Variants in RIC3 observed in about 807,000 individuals in gnomAD.
RIC3 encodes the protein RIC3 acetylcholine receptor chaperone.
Under a neutral mutation model 27.3 loss-of-function variants are expected in RIC3, and 28 were observed. The observed-to-expected ratio is 1.02, with a 90% CI of 0.76 to 1.41. The LOEUF (loss-of-function observed/expected upper bound fraction) is 1.41, where lower values mean the gene tolerates loss of function less well. RIC3 is among the 40% of genes most tolerant of loss of function. The pLI, the probability that RIC3 is intolerant of heterozygous loss-of-function variation, is 0.00. For missense variants in RIC3, 501 were observed against 444.7 expected (o/e 1.13, Z -1.14); for synonymous variants, 184 against 160.4 (o/e 1.15, Z -1.11).
intron 5 of RIC3, among the ~76,000 whole-genome samples, chr11:8,120,834 CAAATT>C (rs1564985514): frequency 6.6e-6 from 1 of 151,870 alleles, no homozygotes; most frequent in African/African-American, 2.4e-5. Flanking sequence ...TTTTCAATAT[CAAATT>C]AAAGTAGAGA....
chr11:8,157,597 T>A (rs964084729), intron 1 of RIC3, among the ~76,000 whole-genome samples: 2 of 152,314 alleles, frequency 1.3e-5, no homozygotes, highest in East Asian at 3.9e-4. Flanking sequence ...GCCTAGTGTT[T>A]TATTTGTTTG....
intron 1 of RIC3, among the ~76,000 whole-genome samples, chr11:8,160,041 A>G (rs1951032742): frequency 6.6e-6 from 1 of 152,178 alleles, no homozygotes. Flanking sequence ...AGAAAGAAAA[A>G]AAGAAAAATT....
At chr11:8,139,373 G>T in intron 2 of RIC3, 1 of 153,856 alleles carries the variant, frequency 6.5e-6, no homozygotes, top group East Asian at 1.9e-4. Context: ...CTCAACTGGG[G>T]GTCTGCTTTA....
rs542889115 is a variant in RIC3 at position 8,143,833 on chromosome 11, A to C, written c.125-3640T>G. Among the ~76,000 whole-genome samples, 978 of 152,326 alleles carry C rather than the reference A, an allele frequency of 6.4e-3. 20 individuals carry two copies. The highest frequency in any genetic ancestry group is 0.051 in the Admixed American group (778 of 15,298). Reference sequence around the variant, plus strand: ...ATGGTACTGGTACCAAAACAGAGATATAGATCAATGGAACAGAACAGAGCC... The same window carrying C: ...ATGGTACTGGTACCAAAACAGAGATCTAGATCAATGGAACAGAACAGAGCC... On this transcript the variant is annotated intron_variant, in intron 1 of 5. Coordinates refer to ENST00000309737, the MANE Select transcript of RIC3 (RefSeq NM_001206671.4).
At chr11:8,129,973 C>A (rs1304928765) in intron 4 of RIC3, among the ~76,000 whole-genome samples, 2 of 152,344 alleles carry the variant, frequency 1.3e-5, no homozygotes, top group Non-Finnish European at 2.9e-5. Flanking sequence ...GATCCCAACT[C>A]CAAAGCCTTA....
Position 8,140,025 on chromosome 11 carries a change from T to C in RIC3, c.293A>G (p.Gln98Arg). ...CCCAAAACCGTAGATTGGAATAATC[T>C]GCCCCATCAGACCTCTTCCACTACC... ...GGGSGRGLMG[Q>R]IIPIYGFGIF... The change falls in exon 2 of 6, where the codon CAG becomes CGG. Residue 98 changes from glutamine (Q) to arginine (R), a missense_variant. Transcript: ENST00000309737. 6.8e-6 allele frequency: 11 copies of C among 1,614,128 alleles called. No individual in the cohort carries two copies. The highest frequency in any genetic ancestry group is 8.5e-6 in the Non-Finnish European group (10 of 1,180,028).
chr11:8,150,582 T>C (rs1215333338), intron 1 of RIC3, among the ~76,000 whole-genome samples: 1 of 152,156 alleles, frequency 6.6e-6, no homozygotes, highest in Non-Finnish European at 1.5e-5. Context: ...CTAATTAAAA[T>C]TGAGTGAATG....
intron 4 of RIC3, among the ~76,000 whole-genome samples, chr11:8,133,307 C>G (rs1183947450): frequency 6.6e-6 from 1 of 152,194 alleles, no homozygotes; most frequent in Admixed American, 6.5e-5. Flanking sequence ...TTATAAATTA[C>G]CCAGTCTGTG....
At chr11:8,157,638 A>G (rs946982867) in intron 1 of RIC3, among the ~76,000 whole-genome samples, 2 of 152,194 alleles carry the variant, frequency 1.3e-5, no homozygotes, top group Admixed American at 1.3e-4. Context: ...GATCTTGCCT[A>G]CTACAATCTT....
At chr11:8,096,774 C>G in the RIC3 span, 1 of 1,614,150 alleles carries the variant, frequency 6.2e-7, no homozygotes, top group Non-Finnish European at 8.5e-7. Flanking sequence ...TAACACCCGC[C>G]CCAGCTCTGC....
chr11:8,167,033 C>T (rs1462634252), intron 1 of RIC3, among the ~76,000 whole-genome samples: 1 of 152,156 alleles, frequency 6.6e-6, no homozygotes, highest in Admixed American at 6.5e-5. Flanking sequence ...TTTTTTGCTG[C>T]AAGTTTCAGT....
chr11:8,096,118 A>C, the RIC3 span, among the ~76,000 whole-genome samples: 1 of 152,178 alleles, frequency 6.6e-6, no homozygotes, highest in Admixed American at 6.5e-5. Context: ...TGTACAAAGG[A>C]CTTTGAGACA....
chr11:8,130,198 T>G lies in RIC3; in HGVS notation c.522-3391A>C, dbSNP rs80027445. Among the ~76,000 whole-genome samples, 1,166 of 152,310 alleles carry G rather than the reference T, an allele frequency of 7.7e-3. 17 individuals are homozygous for G. Among genetic ancestry groups the G allele is most frequent in the African/African-American group, 0.027 (1,124 of 41,556 alleles). The stretch of plus-strand genomic sequence containing the variant: ...CCTACCTCTCCTTCAAGGGTGGCCA[T>G]GTGACCCACTACTAATTATCACATT... On this transcript the variant is annotated intron_variant, in intron 4 of 5. Coordinates refer to ENST00000309737, the MANE Select transcript of RIC3 (RefSeq NM_001206671.4).
chr11:8,120,853 A>T (rs1458403733), intron 5 of RIC3, among the ~76,000 whole-genome samples: 3 of 152,160 alleles, frequency 2.0e-5, no homozygotes, highest in Non-Finnish European at 4.4e-5. Context: ...GTAGAGAATG[A>T]AGCAATATTT....
intron 1 of RIC3, among the ~76,000 whole-genome samples, chr11:8,163,814 T>G (rs893219749): frequency 2.1e-5 from 3 of 142,880 alleles, no homozygotes; most frequent in Non-Finnish European, 3.0e-5. Flanking sequence ...AACTGGCATT[T>G]TTTTTTTTTT....
intron 5 of RIC3, among the ~76,000 whole-genome samples, chr11:8,120,886 C>T (rs924438048): frequency 2.0e-5 from 3 of 151,926 alleles, no homozygotes; most frequent in Non-Finnish European, 4.4e-5. Context: ...GGGAAAATGG[C>T]ATAATCAACG....
intron 4 of RIC3, among the ~76,000 whole-genome samples, chr11:8,136,282 A>G (rs1488482057): frequency 6.6e-6 from 1 of 152,200 alleles, no homozygotes; most frequent in Non-Finnish European, 1.5e-5. Context: ...AGGATGGCAA[A>G]TAGAGGCTAA....
intron 5 of RIC3, among the ~76,000 whole-genome samples, chr11:8,112,428 G>A (rs983098999): frequency 1.3e-5 from 2 of 151,676 alleles, no homozygotes; most frequent in African/African-American, 4.8e-5. Context: ...TGAGTAGCTG[G>A]GATTACAGGT....
intron 5 of RIC3, among the ~76,000 whole-genome samples, chr11:8,113,113 T>C (rs1052007257): frequency 1.3e-5 from 2 of 152,180 alleles, no homozygotes; most frequent in Admixed American, 6.5e-5. Flanking sequence ...GATGGAATGC[T>C]AGGTAAAGTG....
Sources: gnomAD v4.1 joint callset for allele counts (sites outside exome capture counted in the v4.1 genomes callset) on GRCh38, gnomAD v4.1.1 for gene constraint, MANE v1.5 for transcripts, NCBI Gene and HGNC (gene_info 2026-07-23, HGNC 2026-07-21) for gene names.